FSTL5: variants seen among roughly 807,000 people sequenced by gnomAD.
FSTL5 encodes the protein follistatin-related protein 5.
FSTL5 carries 62 observed loss-of-function variants against 89.1 expected under a neutral mutation model. The observed-to-expected ratio is 0.70, with a 90% CI of 0.57 to 0.86. The LOEUF (loss-of-function observed/expected upper bound fraction) is 0.86, where lower values mean the gene tolerates loss of function less well. FSTL5 is among the 40% of genes least tolerant of loss of function. The probability of loss-of-function intolerance (pLI) is 0.00; values close to 1 mark genes in which losing one functional copy is unlikely to be tolerated. For missense variants in FSTL5, 1,057 were observed against 1,001.6 expected (o/e 1.06, Z -0.75); for synonymous variants, 383 against 346.2 (o/e 1.11, Z -1.18).
chr4:161,418,946 G>A (rs557400697), intron 15 of FSTL5, among the ~76,000 whole-genome samples: 3 of 152,304 alleles, frequency 2.0e-5, no homozygotes, highest in Admixed American at 6.5e-5. Flanking sequence ...TGAGATATAA[G>A]TCTTCGGTTA....
At chr4:162,002,865 C>T (rs1736505606) in intron 3 of FSTL5, among the ~76,000 whole-genome samples, 1 of 151,946 alleles carries the variant, frequency 6.6e-6, no homozygotes, top group Middle Eastern at 3.2e-3. Context: ...GCAGAGGTGG[C>T]CGGGTGCAGT....
chr4:161,416,748 G>C (rs1731797679), intron 15 of FSTL5, among the ~76,000 whole-genome samples: 1 of 151,820 alleles, frequency 6.6e-6, no homozygotes, highest in Non-Finnish European at 1.5e-5. Context: ...GGGAGGCTGA[G>C]GGAGGAGAAT....
At chr4:161,934,006 T>C (rs1320156101) in intron 3 of FSTL5, among the ~76,000 whole-genome samples, 2 of 152,040 alleles carry the variant, frequency 1.3e-5, no homozygotes, top group East Asian at 3.9e-4. Flanking sequence ...CATTTTTCTA[T>C]ACTGACCTAA....
chr4:161,898,522 T>A (rs72691279), intron 4 of FSTL5, among the ~76,000 whole-genome samples: 16,935 of 152,080 alleles, frequency 0.11, 1,031 homozygotes, highest in East Asian at 0.16. Context: ...TATTTTAGCC[T>A]TTCTACTAGG....
chr4:161,836,834 T>G (rs1231232798), intron 4 of FSTL5, among the ~76,000 whole-genome samples: 1 of 151,996 alleles, frequency 6.6e-6, no homozygotes, highest in Non-Finnish European at 1.5e-5. Context: ...GGGCAGAAAA[T>G]AATTTTTTTC....
chr4:161,739,148 G>A (rs1049035111), intron 6 of FSTL5, among the ~76,000 whole-genome samples: 2 of 152,164 alleles, frequency 1.3e-5, no homozygotes, highest in Non-Finnish European at 2.9e-5. Context: ...TTTAGAATGT[G>A]TCCTTATTTA....
chr4:162,118,946 T>C (rs1303246449), intron 1 of FSTL5, among the ~76,000 whole-genome samples: 1 of 152,158 alleles, frequency 6.6e-6, no homozygotes, highest in Non-Finnish European at 1.5e-5. Context: ...TCTGATTTAT[T>C]CTTGTTATTT....
At chr4:162,092,249 T>G (rs2111360227) in intron 2 of FSTL5, among the ~76,000 whole-genome samples, 1 of 152,316 alleles carries the variant, frequency 6.6e-6, no homozygotes, top group South Asian at 2.1e-4. Context: ...CAGGTGATGC[T>G]AATGTCTAGC....
intron 7 of FSTL5, among the ~76,000 whole-genome samples, chr4:161,615,287 C>A: frequency 2.7e-5 from 1 of 36,522 alleles, no homozygotes; most frequent in Non-Finnish European, 4.7e-5. Flanking sequence ...GAGGGAGACT[C>A]TGTCTCAAAA....
intron 13 of FSTL5, among the ~76,000 whole-genome samples, chr4:161,471,285 A>T (rs771308506): frequency 6.6e-6 from 1 of 152,144 alleles, no homozygotes; most frequent in Non-Finnish European, 1.5e-5. Context: ...ATTTTATCAC[A>T]TGCTTTTTTC....
chr4:161,920,942 G>A (rs1035904797), intron 3 of FSTL5, among the ~76,000 whole-genome samples: 3 of 152,052 alleles, frequency 2.0e-5, no homozygotes, highest in African/African-American at 7.2e-5. Flanking sequence ...AACTGCCTGA[G>A]ACTAAATCCT....
intron 6 of FSTL5, among the ~76,000 whole-genome samples, chr4:161,720,080 T>G (rs1029521633): frequency 9.9e-5 from 15 of 151,654 alleles, no homozygotes; most frequent in African/African-American, 3.4e-4. Context: ...AAAGTTCTCC[T>G]CAGCAAGGGA....
intron 13 of FSTL5, among the ~76,000 whole-genome samples, chr4:161,468,469 C>G (rs1733823938): frequency 2.0e-5 from 3 of 152,032 alleles, no homozygotes; most frequent in African/African-American, 2.4e-5. Flanking sequence ...TCTACACTGG[C>G]TTTTTAGATT....
intron 13 of FSTL5, among the ~76,000 whole-genome samples, chr4:161,473,940 AT>A (rs762699488): frequency 5.9e-5 from 9 of 152,152 alleles, no homozygotes; most frequent in Non-Finnish European, 1.3e-4. Flanking sequence ...AATGTAAGCC[AT>A]TTATATTTAA....
intron 6 of FSTL5, among the ~76,000 whole-genome samples, chr4:161,687,440 T>C (rs1366201016): frequency 1.3e-5 from 2 of 152,334 alleles, no homozygotes; most frequent in East Asian, 3.9e-4. Context: ...ACAAAAAATG[T>C]ATCTTTTTAA....
chr4:161,908,637 G>T (rs1401085752), intron 4 of FSTL5, among the ~76,000 whole-genome samples: 2 of 152,030 alleles, frequency 1.3e-5, no homozygotes, highest in African/African-American at 4.8e-5. Context: ...TATATTCCAT[G>T]ATTGGAAGCC....
intron 4 of FSTL5, among the ~76,000 whole-genome samples, chr4:161,802,236 G>T (rs1333136142): frequency 6.6e-6 from 1 of 151,710 alleles, no homozygotes; most frequent in East Asian, 1.9e-4. Flanking sequence ...TGGAATGAAA[G>T]AAAATTAACT....
At chr4:161,793,216 T>C (rs144840396) in intron 4 of FSTL5, among the ~76,000 whole-genome samples, 134 of 152,276 alleles carry the variant, frequency 8.8e-4, no homozygotes, top group Non-Finnish European at 1.6e-3. Flanking sequence ...CCTGTGCTCA[T>C]TCACCCACAC....
intron 6 of FSTL5, among the ~76,000 whole-genome samples, chr4:161,690,428 A>G (rs1156314659): frequency 2.0e-5 from 3 of 152,042 alleles, no homozygotes; most frequent in African/African-American, 7.2e-5. Context: ...ATATTTTTAT[A>G]TGCTTGTTGA....
Sources: gnomAD v4.1 joint callset for allele counts (sites outside exome capture counted in the v4.1 genomes callset) on GRCh38, gnomAD v4.1.1 for gene constraint, MANE v1.5 for transcripts, NCBI Gene and HGNC (gene_info 2026-07-23, HGNC 2026-07-21) for gene names.